The following TENM4 variants were observed in gnomAD, a reference collection of about 807,000 sequenced individuals.
TENM4 encodes the protein teneurin-4.
Under a neutral mutation model 243.3 loss-of-function variants are expected in TENM4, and 82 were observed. The observed-to-expected ratio is 0.34, with a 90% CI of 0.28 to 0.40. TENM4 has a LOEUF of 0.40. Ranked by LOEUF, TENM4 falls within the 10% of genes least tolerant of loss-of-function variation. The probability of loss-of-function intolerance (pLI) is 1.00; values close to 1 mark genes in which losing one functional copy is unlikely to be tolerated. For missense variants in TENM4, 3,138 were observed against 3,673.3 expected, an observed-to-expected ratio of 0.85 and a Z score of 3.77; for synonymous variants, 1,412 against 1,456.3, an observed-to-expected ratio of 0.97 and a Z score of 0.69.
At chr11:79,357,879 T>C (rs957441867) in intron 1 of TENM4, among the ~76,000 whole-genome samples, 1 of 152,162 alleles carries the variant, frequency 6.6e-6, no homozygotes, top group Admixed American at 6.5e-5. Context: ...TATAGGTAAA[T>C]AAGGACTGTA....
chr11:79,156,238 G>A (rs1286468784), intron 3 of TENM4, among the ~76,000 whole-genome samples: 3 of 152,178 alleles, frequency 2.0e-5, no homozygotes, highest in Non-Finnish European at 4.4e-5. Flanking sequence ...TGTAGAGTCT[G>A]TCCTGCACAG....
intron 12 of TENM4, among the ~76,000 whole-genome samples, chr11:78,836,121 G>A (rs942319409): frequency 6.6e-6 from 1 of 152,216 alleles, no homozygotes; most frequent in African/African-American, 2.4e-5. Context: ...ACTTTGGGAG[G>A]CCGAGGTGGA....
rs1228699843 is a variant in TENM4 at position 79,023,394 on chromosome 11, T to C, written c.493+41344A>G. On this transcript the variant is annotated intron_variant, in intron 6 of 33. Coordinates refer to ENST00000278550, the MANE Select transcript of TENM4 (RefSeq NM_001098816.3). The stretch of plus-strand genomic sequence containing the variant: ...GGCCATCATGGCAAAACCCCGTCTC[T>C]ACTAAAAAAATACAAAAATTAGCCG... Among the ~76,000 whole-genome samples the C allele has an allele frequency of 2.0e-5, 3 of 152,124 alleles. No individual in the cohort carries two copies. The East Asian group carries it at 5.8e-4, about 29-fold the overall frequency.
intron 23 of TENM4, 87 bp downstream of exon 23, chr11:78,725,992 T>C (rs1855501868): frequency 6.5e-7 from 1 of 1,546,828 alleles, no homozygotes; most frequent in Non-Finnish European, 8.8e-7. Context: ...GGATTCAAAA[T>C]GTGAATTTTT....
chr11:78,990,107 T>G (rs527438515), intron 6 of TENM4, among the ~76,000 whole-genome samples: 1 of 151,978 alleles, frequency 6.6e-6, no homozygotes, highest in African/African-American at 2.4e-5. Context: ...CCTCCTTTAT[T>G]GGGTCCCAGG....
At chr11:78,754,161 G>GACA (rs1206112877) in intron 19 of TENM4, among the ~76,000 whole-genome samples, 38 of 152,316 alleles carry the variant, frequency 2.5e-4, no homozygotes, top group African/African-American at 8.7e-4. Context: ...GACATTTACA[G>GACA]GATGCACTCT....
intron 4 of TENM4, among the ~76,000 whole-genome samples, chr11:79,138,104 T>C (rs1448942733): frequency 6.6e-6 from 1 of 151,378 alleles, no homozygotes; most frequent in Non-Finnish European, 1.5e-5. Context: ...GGCTAGAATA[T>C]AAGCCGGCAG....
At position 78,670,446 on chromosome 11, in the gene TENM4, C is replaced by G; in HGVS notation, c.5899G>C (p.Glu1967Gln). 1 of 1,613,986 alleles carries G rather than the reference C, an allele frequency of 6.2e-7. No individual in the cohort carries two copies. The highest frequency in any genetic ancestry group is 8.5e-7 in the Non-Finnish European group (1 of 1,179,902). The change falls in exon 32 of 34, where the codon GAG (glutamate) becomes CAG (glutamine). Residue 1967 changes from glutamate to glutamine, a missense_variant. By Grantham distance (29) the Glu-to-Gln change is conservative (BLOSUM62 2). Transcript: ENST00000278550. The stretch of plus-strand genomic sequence containing the variant: ...TAGTAGCCCACTGAGCGGATGGTCT[C>G]TAGTGTCTGCCGCGCCACGTTGGGC... Reference protein sequence around the residue: ...TMPNVARQTLETIRSVGYYRN... With the variant: ...TMPNVARQTLQTIRSVGYYRN...
chr11:78,877,876 T>C (rs946870137), intron 9 of TENM4, among the ~76,000 whole-genome samples: 2 of 152,142 alleles, frequency 1.3e-5, no homozygotes, highest in African/African-American at 4.8e-5. Context: ...TGCCTGAGAA[T>C]CATTTCATCT....
chr11:79,319,907 C>A (rs1384873112), intron 1 of TENM4, among the ~76,000 whole-genome samples: 1 of 152,142 alleles, frequency 6.6e-6, no homozygotes, highest in Non-Finnish European at 1.5e-5. Context: ...ACCACCACAA[C>A]TGGGCTTGTA....
At chr11:79,258,686 A>G (rs1268120170) in intron 2 of TENM4, among the ~76,000 whole-genome samples, 2 of 152,204 alleles carry the variant, frequency 1.3e-5, no homozygotes, top group Non-Finnish European at 2.9e-5. Context: ...TGAGCACATC[A>G]CATAATCCTT....
At chr11:78,754,359 C>T (rs920273329) in intron 19 of TENM4, among the ~76,000 whole-genome samples, 8 of 152,164 alleles carry the variant, frequency 5.3e-5, no homozygotes, top group African/African-American at 2.4e-5. Context: ...GCAACAATAC[C>T]GAGACCTGTG....
At chr11:79,284,413 G>A (rs929261033) in intron 2 of TENM4, among the ~76,000 whole-genome samples, 2 of 152,174 alleles carry the variant, frequency 1.3e-5, no homozygotes, top group Middle Eastern at 3.2e-3. Flanking sequence ...CACATTTATA[G>A]TCATTTGATT....
intron 9 of TENM4, among the ~76,000 whole-genome samples, chr11:78,875,451 G>A (rs140374450): frequency 2.0e-5 from 3 of 152,108 alleles, no homozygotes; most frequent in African/African-American, 4.8e-5. Context: ...TGATCTGCCC[G>A]CCTTGGCCTC....
At chr11:78,968,260 G>A (rs1857475942) in intron 6 of TENM4, among the ~76,000 whole-genome samples, 1 of 152,166 alleles carries the variant, frequency 6.6e-6, no homozygotes, top group Non-Finnish European at 1.5e-5. Context: ...TGCTTGTATA[G>A]CCTGTAGCAC....
At chr11:79,079,048 G>T (rs1227427750) in intron 4 of TENM4, among the ~76,000 whole-genome samples, 2 of 152,178 alleles carry the variant, frequency 1.3e-5, no homozygotes, top group African/African-American at 4.8e-5. Flanking sequence ...ACCTGGCCTG[G>T]ACTCCTGGGA....
chr11:78,936,325 G>C (rs11824677), intron 6 of TENM4, among the ~76,000 whole-genome samples: 1 of 152,094 alleles, frequency 6.6e-6, no homozygotes, highest in Non-Finnish European at 1.5e-5. Context: ...TACCTCACTG[G>C]GTTGTTTACA....
intron 4 of TENM4, chr11:79,097,229 C>G (rs571831523): frequency 1.4e-4 from 21 of 152,176 alleles, no homozygotes; most frequent in Admixed American, 1.2e-3. Flanking sequence ...CTCCCTTTCC[C>G]GGATTTGCCT....
At position 79,051,678 on chromosome 11, in the gene TENM4, T is replaced by C. The variant is rs1198176460; in HGVS notation, c.493+13060A>G. ...AACCCCTGTTTTTCTTCTTCAACTT[T>C]TAAGTTCAGGGGTATATGTGCCAGA... On this transcript the variant is annotated intron_variant, in intron 6 of 33. Coordinates refer to ENST00000278550, the MANE Select transcript of TENM4 (RefSeq NM_001098816.3). 3.3e-5 allele frequency among the ~76,000 whole-genome samples: 5 copies of C among 152,076 alleles called. No individual in the cohort carries two copies. The South Asian group carries it at 8.3e-4, about 25-fold the overall frequency.
Sources: allele counts gnomAD v4.1 joint callset (sites outside exome capture counted in the v4.1 genomes callset), GRCh38; gene constraint gnomAD v4.1.1; transcripts MANE v1.5; gene names NCBI Gene and HGNC (gene_info 2026-07-23, HGNC 2026-07-21).